Variants in RIT2 observed in about 807,000 individuals in gnomAD.
RIT2 encodes GTP-binding protein Rit2.
A neutral mutation model predicts 23.7 loss-of-function variants in RIT2; 24 were observed. The ratio of observed to expected loss-of-function variants is 1.01; its 90% confidence interval spans 0.73 to 1.43. RIT2 has a LOEUF of 1.43. Ranked by LOEUF, RIT2 falls within the 40% of genes most tolerant of loss-of-function variation. The pLI, the probability that RIT2 is intolerant of heterozygous loss-of-function variation, is 0.00. For missense variants in RIT2, 236 were observed against 266.9 expected (o/e 0.88, Z 0.81); for synonymous variants, 107 against 91.1 (o/e 1.17, Z -0.99).
At chr18:42,879,340 A>G (rs1039694964) in intron 4 of RIT2, among the ~76,000 whole-genome samples, 5 of 152,196 alleles carry the variant, frequency 3.3e-5, no homozygotes, top group African/African-American at 1.2e-4. Context: ...GATGAAGTAT[A>G]TTTGATATTT....
chr18:42,999,928 G>A (rs1223192419), intron 2 of RIT2, among the ~76,000 whole-genome samples: 1 of 152,016 alleles, frequency 6.6e-6, no homozygotes, highest in African/African-American at 2.4e-5. Flanking sequence ...AAATCCCAAG[G>A]TGTATTATTA....
chr18:42,980,032 A>AAC lies in RIT2; in HGVS notation c.161-5886_161-5885insGT, dbSNP rs35989514. ...AAGACAAGGAGGGCTCTGCCACGAA[A>AAC]AGAGAAAAGAAGTTGCATGAGATCT... On this transcript the variant is annotated intron_variant, in intron 2 of 4. Coordinates refer to ENST00000326695, the MANE Select transcript of RIT2 (RefSeq NM_002930.4). Among the ~76,000 whole-genome samples, 1,381 of 152,222 alleles carry AAC rather than the reference A, an allele frequency of 9.1e-3. 37 individuals carry two copies. Among genetic ancestry groups the AAC allele is most frequent in the African/African-American group, 0.031 (1,307 of 41,548 alleles).
intron 4 of RIT2, among the ~76,000 whole-genome samples, chr18:42,881,092 C>G (rs1907881393): frequency 6.6e-6 from 1 of 152,136 alleles, no homozygotes; most frequent in African/African-American, 2.4e-5. Context: ...AGGCGTGAGC[C>G]ACTGCACCCA....
At chr18:42,978,020 G>T (rs1470731347) in intron 2 of RIT2, among the ~76,000 whole-genome samples, 4 of 151,728 alleles carry the variant, frequency 2.6e-5, no homozygotes, top group Non-Finnish European at 5.9e-5. Flanking sequence ...AGGGAAATAA[G>T]AATAGTTACT....
intron 3 of RIT2, among the ~76,000 whole-genome samples, chr18:42,952,496 T>C (rs895582686): frequency 2.6e-5 from 4 of 152,066 alleles, no homozygotes; most frequent in Non-Finnish European, 5.9e-5. Context: ...CTGTATAGCA[T>C]ACTGGAAATT....
intron 4 of RIT2, among the ~76,000 whole-genome samples, chr18:42,830,304 A>G (rs965253067): frequency 2.0e-5 from 3 of 152,194 alleles, no homozygotes; most frequent in Non-Finnish European, 4.4e-5. Flanking sequence ...CAACAACTCA[A>G]TTTGGTGTTG....
chr18:43,064,523 C>T (rs1459454903), intron 1 of RIT2, among the ~76,000 whole-genome samples: 1 of 152,060 alleles, frequency 6.6e-6, no homozygotes, highest in African/African-American at 2.4e-5. Flanking sequence ...GAATAAAGTA[C>T]TTAGGATCAG....
At chr18:42,780,342 A>G (rs1008377486) in intron 4 of RIT2, among the ~76,000 whole-genome samples, 2 of 151,902 alleles carry the variant, frequency 1.3e-5, no homozygotes, top group African/African-American at 2.4e-5. Flanking sequence ...GAAGACTTCA[A>G]CTCAGCTTGA....
chr18:42,794,236 C>G (rs1914105387), intron 4 of RIT2, among the ~76,000 whole-genome samples: 1 of 152,136 alleles, frequency 6.6e-6, no homozygotes, highest in Non-Finnish European at 1.5e-5. Flanking sequence ...GCAGTCAGAA[C>G]TTCCCCAGGC....
At position 43,087,061 on chromosome 18, in the gene RIT2, C is replaced by T. The variant is rs1913300645; in HGVS notation, c.103+28356G>A. On this transcript the variant is annotated intron_variant, in intron 1 of 4. Coordinates refer to ENST00000326695, the MANE Select transcript of RIT2 (RefSeq NM_002930.4). ...GGCTAGGAGCTGGAGACCAGCCTGG[C>T]CAACATAGCAAAATCCTGTCTCTAC... 2.6e-5 allele frequency among the ~76,000 whole-genome samples: 4 copies of T among 151,856 alleles called. No homozygotes were observed. In the South Asian group the frequency reaches 8.3e-4, roughly 31 times the overall value.
At position 43,098,816 on chromosome 18, in the gene RIT2, A is replaced by C. The variant is rs573362679; in HGVS notation, c.103+16601T>G. Among the ~76,000 whole-genome samples the C allele has an allele frequency of 1.1e-4, 17 of 152,158 alleles. No individual in the cohort carries two copies. The East Asian group carries it at 3.3e-3, about 29-fold the overall frequency. ...TATGCCCATGATCACAACATTACTG[A>C]AGGAATGGACCAGGATTTAAATGCT... On this transcript the variant is annotated intron_variant, in intron 1 of 4. Transcript: ENST00000326695.
At chr18:42,965,568 G>GTAAA (rs1176128023) in intron 3 of RIT2, among the ~76,000 whole-genome samples, 2 of 151,930 alleles carry the variant, frequency 1.3e-5, no homozygotes, top group African/African-American at 2.4e-5. Flanking sequence ...TATGGACCAT[G>GTAAA]TAAATCAAGG....
intron 1 of RIT2, among the ~76,000 whole-genome samples, chr18:43,115,020 T>G (rs1454938983): frequency 6.6e-6 from 1 of 152,214 alleles, no homozygotes; most frequent in East Asian, 1.9e-4. Flanking sequence ...TGTCTGTGTT[T>G]GTAACTGTGT....
At chr18:42,841,892 G>C (rs1472647757) in intron 4 of RIT2, among the ~76,000 whole-genome samples, 1 of 152,134 alleles carries the variant, frequency 6.6e-6, no homozygotes, top group Non-Finnish European at 1.5e-5. Context: ...CAGCACTCAA[G>C]AGCTTTGTCA....
Position 42,743,370 on chromosome 18 carries a change from C to T in RIT2, c.*123G>A. 2.7e-6 allele frequency: 2 copies of T among 736,290 alleles called. No individual in the cohort carries two copies. The highest frequency in any genetic ancestry group is 4.5e-6 in the Non-Finnish European group (2 of 444,594). 45.6% of individuals were successfully genotyped at this position (736,290 alleles called of 1,614,324 possible). A position where few individuals can be genotyped will look rare whatever the true frequency, so the allele number is the denominator to read the frequency against. On this transcript the variant is annotated 3_prime_UTR_variant, in exon 5 of 5. Coordinates refer to ENST00000326695, the MANE Select transcript of RIT2 (RefSeq NM_002930.4). Reference sequence around the variant, plus strand: ...TACAGATATGCAGAGCTTGCTTTTACCTACAGGCAGATATTTAAAGAGAGA... The same window carrying T: ...TACAGATATGCAGAGCTTGCTTTTATCTACAGGCAGATATTTAAAGAGAGA...
chr18:42,949,046 C>T (rs1191235865), intron 3 of RIT2: 16 of 397,546 alleles, frequency 4.0e-5, no homozygotes, highest in Non-Finnish European at 4.9e-5. Context: ...GCCAGTCACA[C>T]AGCTGGGGAG....
At chr18:43,014,855 T>C (rs530668757) in intron 2 of RIT2, among the ~76,000 whole-genome samples, 1 of 151,752 alleles carries the variant, frequency 6.6e-6, no homozygotes, top group South Asian at 2.1e-4. Context: ...TAGATAGCAA[T>C]AAAATGTTTA....
chr18:43,029,375 T>C (rs1421866493), intron 2 of RIT2, among the ~76,000 whole-genome samples: 2 of 151,964 alleles, frequency 1.3e-5, no homozygotes, highest in African/African-American at 2.4e-5. Flanking sequence ...CTGGGCACTG[T>C]GAGAACCAAA....
At chr18:42,906,810 C>A (rs1410922285) in intron 4 of RIT2, among the ~76,000 whole-genome samples, 2 of 152,060 alleles carry the variant, frequency 1.3e-5, no homozygotes, top group Non-Finnish European at 2.9e-5. Flanking sequence ...TTAAGAGAAC[C>A]AGTAATGAAA....
Sources: allele counts gnomAD v4.1 joint callset (sites outside exome capture counted in the v4.1 genomes callset), GRCh38; gene constraint gnomAD v4.1.1; transcripts MANE v1.5; gene names NCBI Gene and HGNC (gene_info 2026-07-23, HGNC 2026-07-21).